MAST4: variants seen among roughly 807,000 people sequenced by gnomAD.
The protein encoded by MAST4 is microtubule associated serine/threonine kinase family member 4.
A neutral mutation model predicts 162.7 loss-of-function variants in MAST4; 89 were observed. The observed-to-expected ratio is 0.55, with a 90% CI of 0.46 to 0.65. The LOEUF is 0.65. Ranked by LOEUF, MAST4 falls within the 30% of genes least tolerant of loss-of-function variation. The probability of loss-of-function intolerance (pLI) is 0.00; values close to 1 mark genes in which losing one functional copy is unlikely to be tolerated. For missense variants in MAST4, 3,153 were observed against 3,374.0 expected (o/e 0.93, Z 1.62); for synonymous variants, 1,479 against 1,361.1 (o/e 1.09, Z -1.91).
At chr5:66,838,405 A>G (rs1580598668) in intron 3 of MAST4, among the ~76,000 whole-genome samples, 1 of 152,192 alleles carries the variant, frequency 6.6e-6, no homozygotes, top group South Asian at 2.1e-4. Flanking sequence ...GTTTAATGAT[A>G]ATAATAGCAT....
chr5:67,092,255 C>T (rs1294910190), intron 6 of MAST4, among the ~76,000 whole-genome samples: 2 of 152,150 alleles, frequency 1.3e-5, no homozygotes, highest in Non-Finnish European at 2.9e-5. Context: ...GGATAAAAGT[C>T]TGGCTTATTA....
chr5:66,682,369 G>A (rs991740575), intron 1 of MAST4, among the ~76,000 whole-genome samples: 11 of 152,154 alleles, frequency 7.2e-5, no homozygotes, highest in Admixed American at 3.9e-4. Flanking sequence ...GTGAGGAATC[G>A]CCTAGACGTT....
intron 3 of MAST4, among the ~76,000 whole-genome samples, chr5:66,883,420 C>CTTTTTTTTTTTTTTTTTTT (rs1484230630): frequency 3.2e-5 from 4 of 125,514 alleles, no homozygotes; most frequent in Non-Finnish European, 4.9e-5. Flanking sequence ...TGTTCTGTCA[C>CTTTTTTTTTTTTTTTTTTT]TGTTTTTTTT....
chr5:67,069,975 A>G (rs1760750954), intron 5 of MAST4, among the ~76,000 whole-genome samples: 1 of 151,786 alleles, frequency 6.6e-6, no homozygotes, highest in Non-Finnish European at 1.5e-5. Flanking sequence ...ATCATCTTAA[A>G]TAGGCCAAAT....
intron 2 of MAST4, among the ~76,000 whole-genome samples, chr5:66,768,448 C>T (rs1180871917): frequency 6.6e-6 from 1 of 152,202 alleles, no homozygotes; most frequent in Non-Finnish European, 1.5e-5. Flanking sequence ...TGGAATACTA[C>T]TTGGCAGTAA....
intron 2 of MAST4, among the ~76,000 whole-genome samples, chr5:66,787,710 C>T (rs1046520395): frequency 2.6e-5 from 4 of 152,152 alleles, no homozygotes; most frequent in African/African-American, 9.7e-5. Context: ...AACACATGGC[C>T]CTAAGATGAG....
At chr5:66,764,371 A>T (rs1338207234) in intron 2 of MAST4, among the ~76,000 whole-genome samples, 1 of 152,192 alleles carries the variant, frequency 6.6e-6, no homozygotes, top group African/African-American at 2.4e-5. Flanking sequence ...CTAATTTTAT[A>T]TTGGCTAATG....
Position 67,166,662 on chromosome 5 carries a change from C to G in MAST4, c.7483C>G (p.Pro2495Ala), listed in dbSNP as rs1182241702. The G allele has an allele frequency of 6.3e-7, 1 of 1,597,520 alleles. No individual in the cohort carries two copies. Among genetic ancestry groups the G allele is most frequent in the East Asian group, 2.3e-5 (1 of 44,012 alleles). The stretch of plus-strand genomic sequence containing the variant: ...GGCCGCCGGGGGCATGCTGGAGCTT[C>G]CAGCCCCCAGCAACAGGGACCATAG... ...AKAAGGMLEL[P>A]APSNRDHRKA... The change falls in exon 29 of 29, where the codon CCA (proline) becomes GCA (alanine). Residue 2495 changes from proline (P) to alanine (A), a missense_variant. By Grantham distance (27) the Pro-to-Ala change is conservative (BLOSUM62 -1). Transcript: ENST00000403625.
intron 1 of MAST4, among the ~76,000 whole-genome samples, chr5:66,623,536 C>T (rs7729310): frequency 0.014 from 2,170 of 152,262 alleles, 51 homozygotes; most frequent in African/African-American, 0.05. Context: ...ATAAAAACAT[C>T]ATTTCATCAG....
chr5:66,686,579 G>A (rs565674982), intron 1 of MAST4, among the ~76,000 whole-genome samples: 20 of 152,258 alleles, frequency 1.3e-4, no homozygotes, highest in Non-Finnish European at 7.4e-5. Flanking sequence ...TGTCAGGATG[G>A]CATTTAAAAG....
chr5:66,666,105 C>A lies in MAST4; in HGVS notation c.363+69087C>A, dbSNP rs200200865. ...AATTTGCAACCAGGGTTGCAGTGGT[C>A]CAGGAAGGTTATTCATTTAGTTATT... On this transcript the variant is annotated intron_variant, in intron 1 of 28. Transcript: ENST00000403625. Among the ~76,000 whole-genome samples, 4 of 152,164 alleles carry A rather than the reference C, an allele frequency of 2.6e-5. No homozygotes were observed. The East Asian group carries it at 7.7e-4, about 29-fold the overall frequency.
intron 1 of MAST4, among the ~76,000 whole-genome samples, chr5:66,738,988 T>C (rs1192524532): frequency 2.0e-5 from 3 of 152,244 alleles, no homozygotes; most frequent in Admixed American, 6.5e-5. Flanking sequence ...AAATTATTGA[T>C]ACCTTCATTG....
At chr5:66,957,529 C>G (rs1218268254) in intron 4 of MAST4, among the ~76,000 whole-genome samples, 2 of 152,246 alleles carry the variant, frequency 1.3e-5, no homozygotes, top group East Asian at 1.9e-4. Context: ...CTAGCTGCCT[C>G]TCTGTGGAGT....
At chr5:67,022,337 C>T (rs142176940) in intron 4 of MAST4, among the ~76,000 whole-genome samples, 205 of 151,946 alleles carry the variant, frequency 1.3e-3, no homozygotes, top group Non-Finnish European at 2.4e-3. Flanking sequence ...GAGGTGCCTT[C>T]CAAGTTTGTG....
At chr5:66,945,234 G>A (rs1013287368) in intron 4 of MAST4, among the ~76,000 whole-genome samples, 1 of 152,116 alleles carries the variant, frequency 6.6e-6, no homozygotes, top group South Asian at 2.1e-4. Flanking sequence ...GACTTAAAGG[G>A]CTGAACAGAC....
chr5:66,945,906 A>G (rs1474721943), intron 4 of MAST4, among the ~76,000 whole-genome samples: 3 of 152,204 alleles, frequency 2.0e-5, no homozygotes, highest in East Asian at 3.9e-4. Flanking sequence ...AGTTTCTTCA[A>G]CTATGTCCCT....
chr5:67,061,836 A>C (rs972385383), intron 5 of MAST4, among the ~76,000 whole-genome samples: 18 of 152,098 alleles, frequency 1.2e-4, no homozygotes, highest in Admixed American at 3.3e-4. Context: ...AAAAAAAAAA[A>C]AATCTGAATT....
intron 4 of MAST4, among the ~76,000 whole-genome samples, chr5:66,943,801 A>T (rs976001314): frequency 6.6e-6 from 1 of 152,140 alleles, no homozygotes; most frequent in Non-Finnish European, 1.5e-5. Flanking sequence ...TTGAGGCTAC[A>T]CTTGATGAGC....
At chr5:67,142,645 C>T in intron 21 of MAST4, 112 bp downstream of exon 21, 1 of 709,092 alleles carries the variant, frequency 1.4e-6, no homozygotes, top group Non-Finnish European at 2.4e-6. Context: ...TTGAGGTCTC[C>T]TATGCTTAAA....
Sources: gnomAD v4.1 joint callset for allele counts (sites outside exome capture counted in the v4.1 genomes callset) on GRCh38, gnomAD v4.1.1 for gene constraint, MANE v1.5 for transcripts, NCBI Gene and HGNC (gene_info 2026-07-23, HGNC 2026-07-21) for gene names.